CRTAM: variants seen among roughly 807,000 people sequenced by gnomAD.
CRTAM encodes the protein cytotoxic and regulatory T-cell molecule.
Under a neutral mutation model 50.0 loss-of-function variants are expected in CRTAM, and 44 were observed. The observed-to-expected ratio is 0.88, with a 90% CI of 0.69 to 1.13. The LOEUF is 1.13. Ranked by LOEUF, CRTAM falls within the 50% of genes most tolerant of loss-of-function variation. The pLI is 0.00. For synonymous variants in CRTAM, 159 were observed against 169.3 expected, an observed-to-expected ratio of 0.94 and a Z score of 0.47; for missense variants, 448 against 457.5, an observed-to-expected ratio of 0.98 and a Z score of 0.19.
Position 122,862,553 on chromosome 11 carries a change from CA to C in CRTAM, c.733+13del. ...GCAGCCCACCAGTACTGGTAAGTGT[CA>C]AAATCATTCAAACTTGTTTTTAAAA... On this transcript the variant is annotated intron_variant, in intron 6 of 9. Transcript: ENST00000227348. 6.7e-7 allele frequency: 1 copy of C among 1,491,818 alleles called. No individual in the cohort carries two copies. The highest frequency in any genetic ancestry group is 9.2e-7 in the Non-Finnish European group (1 of 1,083,628). 92.4% of individuals were successfully genotyped at this position (1,491,818 alleles called of 1,614,324 possible). A position where few individuals can be genotyped will look rare whatever the true frequency, so the allele number is the denominator to read the frequency against.
At position 122,841,404 on chromosome 11, in the gene CRTAM, A is replaced by ATTT. The variant is rs35383058; in HGVS notation, c.46+2824_46+2826dup. Among the ~76,000 whole-genome samples, 754 of 143,370 alleles carry ATTT rather than the reference A, an allele frequency of 5.3e-3. 3 individuals carry two copies. The highest frequency in any genetic ancestry group is 7.7e-3 in the Non-Finnish European group (510 of 65,938). The allele number at this position is 143,370 out of a possible 152,430, so 94.1% of individuals were successfully genotyped here. Reference sequence around the variant, plus strand: ...ATTCCTAAATATATACTTTTACTCTATTTTTTTTTTTTTTGAGACAGAGTC... The same window carrying ATTT: ...ATTCCTAAATATATACTTTTACTCTATTTTTTTTTTTTTTTTTGAGACAGAGTC... On this transcript the variant is annotated intron_variant, in intron 1 of 9. Coordinates refer to ENST00000227348, the MANE Select transcript of CRTAM (RefSeq NM_019604.4).
chr11:122,860,924 TG>T (rs1435878174), intron 5 of CRTAM, among the ~76,000 whole-genome samples: 1 of 152,190 alleles, frequency 6.6e-6, no homozygotes, highest in South Asian at 2.1e-4. Flanking sequence ...CTCAAACTCC[TG>T]GGCTTAAGCA....
intron 1 of CRTAM, among the ~76,000 whole-genome samples, chr11:122,848,188 C>T (rs891023577): frequency 6.6e-6 from 1 of 152,232 alleles, no homozygotes; most frequent in Non-Finnish European, 1.5e-5. Flanking sequence ...GTCTAACATA[C>T]TGCCAAGGTG....
At chr11:122,844,228 G>C (rs553229776) in intron 1 of CRTAM, among the ~76,000 whole-genome samples, 141 of 152,232 alleles carry the variant, frequency 9.3e-4, no homozygotes, top group African/African-American at 3.3e-3. Context: ...AATGTTGTAA[G>C]GGTTAAATTA....
chr11:122,861,410 A>ATTTTTT (rs1862077302), intron 5 of CRTAM, among the ~76,000 whole-genome samples: 1 of 26,074 alleles, frequency 3.8e-5, no homozygotes, highest in African/African-American at 1.7e-4. Flanking sequence ...ATATATATAT[A>ATTTTTT]TATATATATA....
At chr11:122,869,992 A>G (rs1267236033) in intron 9 of CRTAM, among the ~76,000 whole-genome samples, 1 of 152,200 alleles carries the variant, frequency 6.6e-6, no homozygotes, top group Non-Finnish European at 1.5e-5. Flanking sequence ...TGTTTTTCCT[A>G]GGCAAGAAGA....
rs781308629 is a variant in CRTAM at position 122,850,165 on chromosome 11, C to G, written c.144C>G (p.Leu48=). 8 of 1,613,496 alleles carry G rather than the reference C, an allele frequency of 5.0e-6. No individual in the cohort carries two copies. The highest frequency in any genetic ancestry group is 6.8e-6 in the Non-Finnish European group (8 of 1,179,632). Residue 48 remains leucine (L), a synonymous_variant, in exon 2 of 10, where the codon CTC becomes CTG. Transcript: ENST00000227348. Reference sequence around the variant, plus strand: ...CTTCTCTGAGGAAGAACTCCTCCCTCCAGTGGCTGACCCCCTCAGGGTTCA... The same window carrying G: ...CTTCTCTGAGGAAGAACTCCTCCCTGCAGTGGCTGACCCCCTCAGGGTTCA... ...CVTSLRKNSS[L]QWLTPSGFTI... is the part of the protein sequence containing the mutation.
intron 5 of CRTAM, among the ~76,000 whole-genome samples, chr11:122,861,354 A>ATATG (rs1178101007): frequency 7.2e-6 from 1 of 139,716 alleles, no homozygotes; most frequent in African/African-American, 2.6e-5. Context: ...GTCAGTATAT[A>ATATG]TATATATACA....
intron 6 of CRTAM, among the ~76,000 whole-genome samples, chr11:122,863,142 T>A (rs551040862): frequency 6.6e-6 from 1 of 152,024 alleles, no homozygotes; most frequent in Non-Finnish European, 1.5e-5. Context: ...AGAGGTTAAC[T>A]CAGAGCAATG....
chr11:122,853,898 G>T (rs758543931), intron 3 of CRTAM, 45 bp from the exon 4 acceptor site: 2 of 1,587,386 alleles, frequency 1.3e-6, no homozygotes, highest in Non-Finnish European at 1.7e-6. Flanking sequence ...GTTGAGATAT[G>T]CAGACTCATA....
At chr11:122,857,992 C>G (rs988254265) in intron 5 of CRTAM, among the ~76,000 whole-genome samples, 1 of 152,112 alleles carries the variant, frequency 6.6e-6, no homozygotes, top group African/African-American at 2.4e-5. Context: ...CTCACTGCAG[C>G]CTCAATCTTC....
intron 5 of CRTAM, among the ~76,000 whole-genome samples, chr11:122,859,412 A>G (rs1862044232): frequency 7.4e-6 from 1 of 135,024 alleles, no homozygotes; most frequent in Non-Finnish European, 1.6e-5. Context: ...CATCCGGCCC[A>G]GAAATGACAT....
At chr11:122,865,816 A>G (rs1232739010) in intron 7 of CRTAM, among the ~76,000 whole-genome samples, 2 of 152,208 alleles carry the variant, frequency 1.3e-5, no homozygotes, top group African/African-American at 4.8e-5. Flanking sequence ...ACTCCTATGT[A>G]TGTGTACAAA....
intron 5 of CRTAM, among the ~76,000 whole-genome samples, chr11:122,861,361 T>TATACAC (rs1491218105): frequency 1.1e-5 from 1 of 94,174 alleles, no homozygotes; most frequent in African/African-American, 4.1e-5. Flanking sequence ...TATATATATA[T>TATACAC]ACACACACAC....
At chr11:122,854,582 C>T (rs1649312813) in intron 4 of CRTAM, among the ~76,000 whole-genome samples, 1 of 151,480 alleles carries the variant, frequency 6.6e-6, no homozygotes, top group Non-Finnish European at 1.5e-5. Flanking sequence ...ATTGCTTGAA[C>T]CCAGGAGGTG....
At chr11:122,860,757 G>T (rs12281886) in intron 5 of CRTAM, among the ~76,000 whole-genome samples, 1 of 151,942 alleles carries the variant, frequency 6.6e-6, no homozygotes, top group African/African-American at 2.4e-5. Flanking sequence ...AGGCTGGAGC[G>T]CAATGGTGTA....
At chr11:122,868,234 GTGTA>G (rs1441164921) in intron 9 of CRTAM, 135 bp downstream of exon 9, 369 of 543,288 alleles carry the variant, frequency 6.8e-4, no homozygotes, top group Non-Finnish European at 1.0e-3. Flanking sequence ...GTGTGTGTGT[GTGTA>G]TGAGGTGGGA....
intron 7 of CRTAM, among the ~76,000 whole-genome samples, chr11:122,866,809 C>G (rs1862180831): frequency 6.6e-6 from 1 of 151,948 alleles, no homozygotes; most frequent in Admixed American, 6.6e-5. Flanking sequence ...CAAAGTGTCA[C>G]TATGTTGCCC....
intron 5 of CRTAM, among the ~76,000 whole-genome samples, chr11:122,856,111 C>G (rs997514988): frequency 6.6e-6 from 1 of 152,138 alleles, no homozygotes; most frequent in Admixed American, 6.6e-5. Flanking sequence ...GTCATGCTTG[C>G]TTTTTGATAA....
Sources: allele counts gnomAD v4.1 joint callset (sites outside exome capture counted in the v4.1 genomes callset), GRCh38; gene constraint gnomAD v4.1.1; transcripts MANE v1.5; gene names NCBI Gene and HGNC (gene_info 2026-07-23, HGNC 2026-07-21).